Variants in CD109 observed in about 807,000 individuals in gnomAD.
The protein encoded by CD109 is CD109 molecule.
A neutral mutation model predicts 165.8 loss-of-function variants in CD109; 149 were observed. That is an observed-to-expected ratio of 0.90 (90% CI 0.79 to 1.03). The LOEUF (loss-of-function observed/expected upper bound fraction) is 1.03. Among genes scored for constraint, CD109 ranks in the 50% least tolerant of loss-of-function variants. The probability of loss-of-function intolerance (pLI) is 0.00; values close to 1 mark genes in which losing one functional copy is unlikely to be tolerated. For synonymous variants in CD109, 585 were observed against 592.1 expected (o/e 0.99, Z 0.18); for missense variants, 1,712 against 1,677.8 (o/e 1.02, Z -0.36).
chr6:73,745,471 T>C (rs1772947578), intron 5 of CD109, among the ~76,000 whole-genome samples: 1 of 152,182 alleles, frequency 6.6e-6, no homozygotes, highest in Non-Finnish European at 1.5e-5. Context: ...GCTTGCTGTA[T>C]GCATTGGTGG....
At chr6:73,766,535 G>GTGTA (rs1204346360) in intron 11 of CD109, among the ~76,000 whole-genome samples, 4 of 146,646 alleles carry the variant, frequency 2.7e-5, no homozygotes, top group African/African-American at 7.5e-5. Flanking sequence ...ATGTGTGTGT[G>GTGTA]TATATATATA....
chr6:73,795,905 G>T (rs1418684003), intron 23 of CD109, among the ~76,000 whole-genome samples: 2 of 152,206 alleles, frequency 1.3e-5, no homozygotes. Context: ...GGGTTGTTTT[G>T]AGGAGTCAGT....
chr6:73,772,011 A>G (rs1304712127), intron 15 of CD109, among the ~76,000 whole-genome samples: 1 of 152,228 alleles, frequency 6.6e-6, no homozygotes, highest in East Asian at 1.9e-4. Flanking sequence ...AAATATCAAT[A>G]TATCACATTG....
chr6:73,785,333 T>C (rs1441966815), intron 19 of CD109, 31 bp from the exon 20 acceptor site: 1 of 1,221,250 alleles, frequency 8.2e-7, no homozygotes, highest in African/African-American at 1.5e-5. Flanking sequence ...TTGACCTGAA[T>C]AAAAATATGT....
intron 2 of CD109, among the ~76,000 whole-genome samples, chr6:73,713,099 C>T (rs994655608): frequency 2.6e-5 from 4 of 152,040 alleles, no homozygotes; most frequent in Non-Finnish European, 5.9e-5. Context: ...CTCCCCGCTG[C>T]CCCCGATTTT....
intron 31 of CD109, 55 bp downstream of exon 31, chr6:73,818,590 G>A: frequency 6.7e-7 from 1 of 1,497,468 alleles, no homozygotes; most frequent in South Asian, 1.2e-5. Flanking sequence ...TTTGTATTCA[G>A]GTGTCTACCT....
rs1435469872 is a variant in CD109, at chr6:73,828,150, G to GA, written c.*4519dup. ...TTTTGGGAAGCTGTTTTGCATATGAGAAGAACACTGTTGAAATAAGGAACT... is the reference window on the plus strand; with the variant it reads ...TTTTGGGAAGCTGTTTTGCATATGAGAAAGAACACTGTTGAAATAAGGAACT... On this transcript the variant is annotated 3_prime_UTR_variant, in exon 33 of 33. Transcript: ENST00000287097. The GA allele has an allele frequency of 1.3e-5, 2 of 154,780 alleles. No homozygotes were observed. The highest frequency in any genetic ancestry group is 4.8e-5 in the African/African-American group (2 of 41,528). 9.6% of individuals were successfully genotyped at this position (154,780 alleles called of 1,614,324 possible).
chr6:73,817,334 A>AT (rs148757720), intron 30 of CD109, among the ~76,000 whole-genome samples: 3,599 of 152,150 alleles, frequency 0.024, 160 homozygotes, highest in African/African-American at 0.082. Context: ...TTTCTCATCT[A>AT]TATTTTTTTC....
chr6:73,785,579 G>A lies in CD109; in HGVS notation c.2337+102G>A, dbSNP rs867096543. The A allele has an allele frequency of 1.2e-5, 7 of 607,328 alleles. 1 individual carries two copies. In the Middle Eastern group the frequency reaches 1.8e-3, roughly 155 times the overall value. The allele number at this position is 607,328 out of a possible 1,614,324, so 37.6% of individuals were successfully genotyped here. A position where few individuals can be genotyped will look rare whatever the true frequency, so the allele number is the denominator to read the frequency against. On this transcript the variant is annotated intron_variant, in intron 20 of 32. Coordinates refer to ENST00000287097, the MANE Select transcript of CD109 (RefSeq NM_133493.5). ...AGTATCTGGGCATTTGGGATTCTAA[G>A]CACTTTATACATTTCTGGGAGGCTG... is the stretch of plus-strand genomic sequence containing the variant.
At chr6:73,718,839 AT>A (rs1771840406) in intron 2 of CD109, among the ~76,000 whole-genome samples, 1 of 152,128 alleles carries the variant, frequency 6.6e-6, no homozygotes, top group African/African-American at 2.4e-5. Flanking sequence ...TATTTTATTC[AT>A]ATAACTAAAA....
chr6:73,779,508 A>G (rs1055535714), intron 15 of CD109, among the ~76,000 whole-genome samples: 1 of 152,138 alleles, frequency 6.6e-6, no homozygotes, highest in Non-Finnish European at 1.5e-5. Flanking sequence ...TCGGCCTCCC[A>G]AAGTGCTGGG....
rs557742537 is a variant in CD109 at position 73,696,299 on chromosome 6, T to TGGGCGCGCGGGGGGCGCGC, written c.74+22_74+40dup. 2.6e-5 allele frequency: 39 copies of TGGGCGCGCGGGGGGCGCGC among 1,496,464 alleles called. No individual in the cohort carries two copies. The highest frequency in any genetic ancestry group is 1.9e-4 in the East Asian group (7 of 36,768). The allele number at this position is 1,496,464 out of a possible 1,614,324, so 92.7% of individuals were successfully genotyped here. A position where few individuals can be genotyped will look rare whatever the true frequency, so the allele number is the denominator to read the frequency against. On this transcript the variant is annotated intron_variant, in intron 1 of 32. Transcript: ENST00000287097. ...TGGCCGTGGCTCCCGGGTAGGAACG[T>TGGGCGCGCGGGGGGCGCGC]GGGCGCGCGGGGGGCGCGCGGGCGC...
Position 73,705,212 on chromosome 6 carries a change from A to G in CD109, c.247+7640A>G, listed in dbSNP as rs556692394. ...GTTTTGAAATTGCAGCTGGGGAGAG[A>G]GATTTAGGCATTATTTTCATAGAGG... On this transcript the variant is annotated intron_variant, in intron 2 of 32. Transcript: ENST00000287097. Among the ~76,000 whole-genome samples, 53 of 152,228 alleles carry G rather than the reference A, an allele frequency of 3.5e-4. No homozygotes were observed. In the Middle Eastern group the frequency reaches 0.014, roughly 39 times the overall value.
chr6:73,770,819 G>A (rs1353803837), intron 14 of CD109, among the ~76,000 whole-genome samples: 4 of 152,186 alleles, frequency 2.6e-5, no homozygotes, highest in South Asian at 4.1e-4. Flanking sequence ...GCGGTGATGC[G>A]ATGACTGATG....
intron 30 of CD109, 101 bp from the exon 31 acceptor site, chr6:73,818,287 G>T: frequency 2.5e-6 from 3 of 1,217,034 alleles, no homozygotes; most frequent in Non-Finnish European, 2.4e-6. Context: ...AACAGTGTTT[G>T]GAATAACATT....
At chr6:73,739,665 A>G (rs1178754857) in intron 5 of CD109, among the ~76,000 whole-genome samples, 3 of 152,002 alleles carry the variant, frequency 2.0e-5, no homozygotes. Flanking sequence ...TGGCTAATAC[A>G]GTGAAACCCC....
chr6:73,687,494 C>T, the CD109 span, among the ~76,000 whole-genome samples: 4 of 150,630 alleles, frequency 2.7e-5, no homozygotes, highest in African/African-American at 9.8e-5. Flanking sequence ...CCTCTCCTCC[C>T]CTTCTTTCCT....
At chr6:73,741,369 T>C (rs1045618452) in intron 5 of CD109, among the ~76,000 whole-genome samples, 3 of 152,184 alleles carry the variant, frequency 2.0e-5, no homozygotes, top group Admixed American at 6.5e-5. Context: ...TTTCTTTGTC[T>C]AGAGCACCAA....
intron 31 of CD109, among the ~76,000 whole-genome samples, chr6:73,819,410 GGTAT>G (rs1776038985): frequency 6.6e-6 from 1 of 151,692 alleles, no homozygotes; most frequent in Admixed American, 6.6e-5. Flanking sequence ...CAAAACTGGT[GGTAT>G]GTAAGTTTAT....
Sources: gnomAD v4.1 joint callset for allele counts (sites outside exome capture counted in the v4.1 genomes callset) on GRCh38, gnomAD v4.1.1 for gene constraint, MANE v1.5 for transcripts, NCBI Gene and HGNC (gene_info 2026-07-23, HGNC 2026-07-21) for gene names.